Variants in KHDRBS3 observed in about 807,000 individuals in gnomAD.
KHDRBS3 encodes KH RNA binding domain containing, signal transduction associated 3.
A neutral mutation model predicts 45.6 loss-of-function variants in KHDRBS3; 23 were observed. The observed-to-expected ratio is 0.50, with a 90% confidence interval of 0.36 to 0.72. The LOEUF (loss-of-function observed/expected upper bound fraction) is 0.72, where lower values mean the gene tolerates loss of function less well. Among genes scored for constraint, KHDRBS3 ranks in the 30% least tolerant of loss-of-function variants. The pLI, the probability that KHDRBS3 is intolerant of heterozygous loss-of-function variation, is 0.00. For missense variants in KHDRBS3, 352 were observed against 424.8 expected, an observed-to-expected ratio of 0.83 and a Z score of 1.51; for synonymous variants, 162 against 156.5, an observed-to-expected ratio of 1.04 and a Z score of -0.26.
At chr8:135,621,878 G>C (rs1830157158) in intron 7 of KHDRBS3, among the ~76,000 whole-genome samples, 1 of 152,096 alleles carries the variant, frequency 6.6e-6, no homozygotes, top group South Asian at 2.1e-4. Flanking sequence ...ACCAGGCTCA[G>C]GAGTTCCACA....
intron 6 of KHDRBS3, among the ~76,000 whole-genome samples, chr8:135,606,645 G>C (rs1029039897): frequency 2.6e-5 from 4 of 152,030 alleles, no homozygotes; most frequent in African/African-American, 9.7e-5. Flanking sequence ...AAAGCTCACT[G>C]TTCTTACCAG....
chr8:135,505,865 T>G (rs1238483792), intron 1 of KHDRBS3, among the ~76,000 whole-genome samples: 1 of 148,748 alleles, frequency 6.7e-6, no homozygotes, highest in Non-Finnish European at 1.5e-5. Context: ...TGCTAGAGTT[T>G]AGAACCATCA....
At chr8:135,509,915 A>G (rs1824186293) in intron 1 of KHDRBS3, among the ~76,000 whole-genome samples, 1 of 149,302 alleles carries the variant, frequency 6.7e-6, no homozygotes, top group Non-Finnish European at 1.5e-5. Context: ...AATCCATTCT[A>G]TAAGATAAGA....
chr8:135,530,416 A>G (rs1825413678), intron 2 of KHDRBS3, among the ~76,000 whole-genome samples: 1 of 152,198 alleles, frequency 6.6e-6, no homozygotes, highest in East Asian at 1.9e-4. Flanking sequence ...CGTAGATTGA[A>G]CTATAAATTT....
intron 5 of KHDRBS3, among the ~76,000 whole-genome samples, chr8:135,574,232 T>C (rs914117939): frequency 6.6e-6 from 1 of 152,078 alleles, no homozygotes; most frequent in East Asian, 1.9e-4. Context: ...ACCTCCATCA[T>C]GTTAGCACGT....
chr8:135,494,915 G>A (rs1351238389), intron 1 of KHDRBS3, among the ~76,000 whole-genome samples: 1 of 152,170 alleles, frequency 6.6e-6, no homozygotes, highest in East Asian at 1.9e-4. Context: ...TTGCCCTGGG[G>A]GTAGATGGTT....
intron 2 of KHDRBS3, among the ~76,000 whole-genome samples, chr8:135,524,740 T>C (rs1473586522): frequency 6.6e-6 from 1 of 152,092 alleles, no homozygotes; most frequent in Non-Finnish European, 1.5e-5. Context: ...CTTTTACTGC[T>C]GTATCTTAAA....
chr8:135,639,896 G>A (rs772911831), intron 7 of KHDRBS3, among the ~76,000 whole-genome samples: 4 of 152,146 alleles, frequency 2.6e-5, no homozygotes, highest in Non-Finnish European at 4.4e-5. Context: ...CCTCCAACAC[G>A]GGGGATTGCA....
intron 2 of KHDRBS3, among the ~76,000 whole-genome samples, chr8:135,532,084 G>A (rs1386981032): frequency 6.6e-6 from 1 of 152,098 alleles, no homozygotes; most frequent in Non-Finnish European, 1.5e-5. Flanking sequence ...AGAAACAAGT[G>A]TTTTGTTTCT....
chr8:135,618,959 G>A (rs1416238507), intron 7 of KHDRBS3, among the ~76,000 whole-genome samples: 1 of 152,168 alleles, frequency 6.6e-6, no homozygotes, highest in Non-Finnish European at 1.5e-5. Context: ...ATGATCATTG[G>A]CACCTTCGTT....
chr8:135,530,158 A>G (rs1825400555), intron 2 of KHDRBS3, among the ~76,000 whole-genome samples: 1 of 152,182 alleles, frequency 6.6e-6, no homozygotes, highest in Admixed American at 6.5e-5. Context: ...TAGAGGATAT[A>G]TCTCTATGTC....
At chr8:135,528,139 T>C (rs1825286382) in intron 2 of KHDRBS3, among the ~76,000 whole-genome samples, 1 of 152,208 alleles carries the variant, frequency 6.6e-6, no homozygotes, top group Admixed American at 6.5e-5. Flanking sequence ...CTATCTGCAG[T>C]AACTTTGTCT....
intron 1 of KHDRBS3, among the ~76,000 whole-genome samples, chr8:135,480,107 C>G (rs1822488239): frequency 7.4e-6 from 1 of 134,254 alleles, no homozygotes; most frequent in African/African-American, 2.6e-5. Context: ...TTAACAAATT[C>G]TGACCACTTT....
chr8:135,542,170 G>A (rs1012448791), intron 2 of KHDRBS3: 1 of 152,326 alleles, frequency 6.6e-6, no homozygotes, highest in African/African-American at 2.4e-5. Context: ...ATCAGCCACC[G>A]AATGCTTAAG....
intron 4 of KHDRBS3, 69 bp downstream of exon 4, chr8:135,548,969 G>T: frequency 9.2e-7 from 1 of 1,091,092 alleles, no homozygotes. Flanking sequence ...GATACTTCTT[G>T]TCTGTAACTG....
At chr8:135,542,792 G>A (rs750273027) in intron 3 of KHDRBS3, 22 bp downstream of exon 3, 23 of 1,475,488 alleles carry the variant, frequency 1.6e-5, no homozygotes, top group African/African-American at 5.6e-5. Context: ...TATAGAAAAC[G>A]GCTAAGTTGT....
chr8:135,489,909 A>G (rs1823056276), intron 1 of KHDRBS3, among the ~76,000 whole-genome samples: 1 of 152,166 alleles, frequency 6.6e-6, no homozygotes, highest in South Asian at 2.1e-4. Context: ...CCGCTCCTAC[A>G]AGCTCCATTC....
chr8:135,570,836 C>T (rs778566204), intron 5 of KHDRBS3, among the ~76,000 whole-genome samples: 8 of 152,110 alleles, frequency 5.3e-5, no homozygotes, highest in East Asian at 1.9e-4. Context: ...CACCGAATTC[C>T]TTCTACTGAA....
chr8:135,501,157 A>G (rs1823716351), intron 1 of KHDRBS3, among the ~76,000 whole-genome samples: 1 of 152,218 alleles, frequency 6.6e-6, no homozygotes, highest in African/African-American at 2.4e-5. Flanking sequence ...CCTTTAAACC[A>G]TAGCTAGAAC....
Sources: gnomAD v4.1 joint callset for allele counts (sites outside exome capture counted in the v4.1 genomes callset) on GRCh38, gnomAD v4.1.1 for gene constraint, MANE v1.5 for transcripts, NCBI Gene and HGNC (gene_info 2026-07-23, HGNC 2026-07-21) for gene names.